MON1A: variants seen among roughly 807,000 people sequenced by gnomAD.
The protein encoded by MON1A is MON1 vesicular trafficking associated A.
In MON1A, 29 loss-of-function variants were observed where a neutral mutation model predicts 44.6. That is an observed-to-expected ratio of 0.65 (90% confidence interval 0.48 to 0.89). The LOEUF is 0.89. MON1A is among the 40% of genes least tolerant of loss of function. The probability of loss-of-function intolerance (pLI) is 0.00; values close to 1 mark genes in which losing one functional copy is unlikely to be tolerated. For missense variants in MON1A, 615 were observed against 759.6 expected (o/e 0.81, Z 2.24); for synonymous variants, 275 against 316.4 (o/e 0.87, Z 1.39).
chr3:49,920,627 C>G (rs528763391), intron 1 of MON1A: 1 of 152,018 alleles, frequency 6.6e-6, no homozygotes, highest in South Asian at 2.1e-4. Flanking sequence ...ATCACGAGGT[C>G]AGAAGTTTGA....
chr3:49,915,029 T>C (rs182406634), intron 1 of MON1A, among the ~76,000 whole-genome samples: 1 of 152,338 alleles, frequency 6.6e-6, no homozygotes, highest in East Asian at 1.9e-4. Flanking sequence ...AACAAACTGA[T>C]AGCAGCAGCT....
Position 49,909,588 on chromosome 3 carries a change from G to A in MON1A, c.1380-188C>T, listed in dbSNP as rs923062305. On this transcript the variant is annotated intron_variant, in intron 4 of 5. Coordinates refer to ENST00000296473, the MANE Select transcript of MON1A (RefSeq NM_032355.4). The surrounding 1 kb of genome is among the most constrained non-coding windows in gnomAD (Gnocchi z 4.0). ...CCCAGGACAGGGCTGGGCCCACTGA[G>A]ACTAGAGCTATGTCCCCTCTTACCC... is the stretch of plus-strand genomic sequence containing the variant. The A allele has an allele frequency of 1.4e-6, 1 of 704,554 alleles. No homozygotes were observed. The highest frequency in any genetic ancestry group is 2.9e-5 in the Admixed American group (1 of 33,904). The allele number at this position is 704,554 out of a possible 1,614,324, so 43.6% of individuals were successfully genotyped here.
chr3:49,912,811 G>T, intron 2 of MON1A: 1 of 333,296 alleles, frequency 3.0e-6, no homozygotes, highest in Non-Finnish European at 5.9e-6. Flanking sequence ...GGATATAACT[G>T]CTCTGCGCTC....
At chr3:49,927,151 T>C (rs2083059084) in intron 1 of MON1A, among the ~76,000 whole-genome samples, 1 of 152,162 alleles carries the variant, frequency 6.6e-6, no homozygotes, top group African/African-American at 2.4e-5. Context: ...CTCTGAAGAA[T>C]GCCCAGCTCT....
At chr3:49,921,316 C>T (rs970817763) in intron 1 of MON1A, among the ~76,000 whole-genome samples, 35 of 151,056 alleles carry the variant, frequency 2.3e-4, no homozygotes, top group Non-Finnish European at 5.2e-4. Context: ...TGCCACCACA[C>T]CCGGCTAATT....
intron 1 of MON1A, among the ~76,000 whole-genome samples, chr3:49,927,620 G>C (rs2083061587): frequency 6.6e-6 from 1 of 152,140 alleles, no homozygotes; most frequent in Non-Finnish European, 1.5e-5. Context: ...TGGGAGTCAG[G>C]TCAAAGAGCT....
intron 1 of MON1A, among the ~76,000 whole-genome samples, chr3:49,927,844 T>A (rs1289370560): frequency 6.6e-6 from 1 of 151,416 alleles, no homozygotes; most frequent in East Asian, 1.9e-4. Flanking sequence ...GAGGTTGCAG[T>A]GAGCTGATAT....
chr3:49,918,519 C>T (rs1201884936), intron 1 of MON1A, among the ~76,000 whole-genome samples: 1 of 151,708 alleles, frequency 6.6e-6, no homozygotes, highest in Non-Finnish European at 1.5e-5. Flanking sequence ...TCAAGCGATT[C>T]TCCTGCCTCA....
intron 1 of MON1A, chr3:49,924,540 G>A (rs1166857865): frequency 3.4e-6 from 1 of 296,378 alleles, no homozygotes; most frequent in Non-Finnish European, 7.1e-6. Context: ...TTACCTAGGT[G>A]TCATGACGGG....
At chr3:49,923,198 G>T (rs555510907) in intron 1 of MON1A, among the ~76,000 whole-genome samples, 7 of 151,358 alleles carry the variant, frequency 4.6e-5, no homozygotes, top group Non-Finnish European at 8.8e-5. Flanking sequence ...AAAATTAGCC[G>T]GGTGTGGTGG....
rs770496429 is a variant in MON1A, at chr3:49,911,854, G to A, written c.285C>T (p.Ser95=). 1.5e-4 allele frequency: 235 copies of A among 1,613,962 alleles called. 2 individuals are homozygous for A. In the Admixed American group the frequency reaches 3.8e-3, roughly 26 times the overall value. ...TDMRQISQDF[S]ELSTQLTGVA... ...CACCCGTCAGCTGGGTGCTTAGCTC[G>A]CTAAAGTCCTGGCTGATCTGGCGCA... is the stretch of plus-strand genomic sequence containing the variant. Residue 95 remains serine, a synonymous_variant, in exon 3 of 6, where the codon AGC becomes AGT. Transcript: ENST00000296473. The surrounding 1 kb of genome is among the most constrained non-coding windows in gnomAD (Gnocchi z 5.7).
At position 49,910,239 on chromosome 3, in the gene MON1A, C is replaced by T. The variant is rs778489301; in HGVS notation, c.1259G>A (p.Arg420His). 3.1e-6 allele frequency: 5 copies of T among 1,614,126 alleles called. No homozygotes were observed. The highest frequency in any genetic ancestry group is 1.1e-5 in the South Asian group (1 of 91,088). Residue 420 changes from arginine (R) to histidine (H), a missense_variant, in exon 4 of 6, where the codon CGC becomes CAC. Coordinates refer to ENST00000296473, the MANE Select transcript of MON1A (RefSeq NM_032355.4). The surrounding 1 kb of genome is among the most constrained non-coding windows in gnomAD (Gnocchi z 8.0). ...CTCTCGCAGGGCCAGGTGGGCTCCG[C>T]GCTTGCGAAGGCGCTCCTGGAAGCG... Reference protein sequence around the residue: ...RRRFQERLRKRGAHLALREAL... With the variant: ...RRRFQERLRKHGAHLALREAL...
chr3:49,913,219 C>A lies in MON1A; in HGVS notation c.127+1G>T. 6.2e-7 allele frequency: 1 copy of A among 1,614,246 alleles called. No homozygotes were observed. The highest frequency in any genetic ancestry group is 8.5e-7 in the Non-Finnish European group (1 of 1,180,054). On this transcript the variant is annotated splice_donor_variant, in intron 2 of 5. Transcript: ENST00000296473. LOFTEE classifies it high-confidence loss of function. ...GGCTGAGGCTGTACACTTGCCCATACCTGGCTCCATTCCCTGGGCCATTCC... is the reference window on the plus strand; with the variant it reads ...GGCTGAGGCTGTACACTTGCCCATAACTGGCTCCATTCCCTGGGCCATTCC...
intron 1 of MON1A, among the ~76,000 whole-genome samples, chr3:49,922,137 CA>C (rs57221907): frequency 0.52 from 70,650 of 134,750 alleles, 18,157 homozygotes; most frequent in African/African-American, 0.65. Flanking sequence ...AGCTCTGTCT[CA>C]AAAAAAAAAA....
At chr3:49,915,320 C>T (rs1048380093) in intron 1 of MON1A, among the ~76,000 whole-genome samples, 5 of 152,124 alleles carry the variant, frequency 3.3e-5, no homozygotes, top group African/African-American at 1.2e-4. Flanking sequence ...CACTTGAGCT[C>T]AGTAGTTCAC....
At chr3:49,928,409 C>G (rs2083068534) in intron 1 of MON1A, among the ~76,000 whole-genome samples, 3 of 152,162 alleles carry the variant, frequency 2.0e-5, no homozygotes, top group African/African-American at 7.2e-5. Context: ...CTCTTAGAAC[C>G]AGCCCCAGAT....
intron 1 of MON1A, among the ~76,000 whole-genome samples, chr3:49,922,565 A>C (rs2083010418): frequency 1.4e-5 from 2 of 146,218 alleles, no homozygotes; most frequent in Non-Finnish European, 1.5e-5. Flanking sequence ...GAAGGAGGGA[A>C]GGAAGGAGGG....
rs1336718371 is a variant in MON1A, at chr3:49,910,460, G to A, written c.1038C>T (p.His346=). Residue 346 remains histidine, a synonymous_variant, in exon 4 of 6, where the codon CAC becomes CAT. Transcript: ENST00000296473. This position sits in a 1 kb window ranked among gnomAD's most constrained non-coding sequence, Gnocchi z 8.0. ...KDQFLHPIDL[H]LLFNLISSSS... Reference sequence around the variant, plus strand: ...AGGAACTAATGAGGTTGAAGAGCAGGTGCAGGTCGATGGGGTGCAGAAATT... The same window carrying A: ...AGGAACTAATGAGGTTGAAGAGCAGATGCAGGTCGATGGGGTGCAGAAATT... The A allele has an allele frequency of 1.2e-6, 2 of 1,614,232 alleles. No homozygotes were observed. The highest frequency in any genetic ancestry group is 1.1e-5 in the South Asian group (1 of 91,092).
At position 49,911,627 on chromosome 3, in the gene MON1A, C is replaced by T. The variant is rs948037832; in HGVS notation, c.512G>A (p.Arg171His). 2.5e-6 allele frequency: 4 copies of T among 1,614,020 alleles called. No individual in the cohort carries two copies. The highest frequency in any genetic ancestry group is 2.5e-6 in the Non-Finnish European group (3 of 1,179,992). Residue 171 changes from arginine (R) to histidine (H), a missense_variant, in exon 3 of 6, where the codon CGC becomes CAC. Physicochemically the swap from Arg to His is conservative, Grantham distance 29 (BLOSUM62 0). Coordinates refer to ENST00000296473, the MANE Select transcript of MON1A (RefSeq NM_032355.4). The surrounding 1 kb of genome is among the most constrained non-coding windows in gnomAD (Gnocchi z 5.7). ...GGAAAGTGCCTCCTCAGACCCATAG[C>T]GGGAGTACACAGGCTTCCCTGCCTC... Reference protein sequence around the residue: ...LSEAGKPVYSRYGSEEALSST... With the variant: ...LSEAGKPVYSHYGSEEALSST...
Sources: allele counts gnomAD v4.1 joint callset (sites outside exome capture counted in the v4.1 genomes callset), GRCh38; gene constraint gnomAD v4.1.1; non-coding constraint Gnocchi (gnomAD v3.1); transcripts MANE v1.5; gene names NCBI Gene and HGNC (gene_info 2026-07-23, HGNC 2026-07-21).